Variants in PRELID2 observed in about 807,000 individuals in gnomAD.
PRELID2 encodes the protein PRELI domain containing 2, also known as PRELI domain-containing protein 2.
A neutral mutation model predicts 28.4 loss-of-function variants in PRELID2; 25 were observed. The ratio of observed to expected loss-of-function variants is 0.88; its 90% confidence interval spans 0.64 to 1.23. The LOEUF (loss-of-function observed/expected upper bound fraction) is 1.23, where lower values mean the gene tolerates loss of function less well. Among genes scored for constraint, PRELID2 ranks in the 50% most tolerant of loss-of-function variants. The probability of loss-of-function intolerance (pLI) is 0.00; values close to 1 mark genes in which losing one functional copy is unlikely to be tolerated. For synonymous variants in PRELID2, 76 were observed against 71.6 expected (o/e 1.06, Z -0.31); for missense variants, 201 against 214.4 (o/e 0.94, Z 0.39).
the PRELID2 span, among the ~76,000 whole-genome samples, chr5:145,418,236 A>G: frequency 2.0e-5 from 3 of 152,210 alleles, no homozygotes; most frequent in Non-Finnish European, 4.4e-5. Flanking sequence ...AAGAAATAAG[A>G]AAGGACATAA....
chr5:145,408,324 T>C, the PRELID2 span, among the ~76,000 whole-genome samples: 1 of 150,488 alleles, frequency 6.6e-6, no homozygotes, highest in African/African-American at 2.4e-5. Flanking sequence ...GCCAGGTAAA[T>C]AATTCAGAAG....
intron 1 of PRELID2, among the ~76,000 whole-genome samples, chr5:145,566,674 T>C (rs1752970025): frequency 6.6e-6 from 1 of 152,074 alleles, no homozygotes; most frequent in African/African-American, 2.4e-5. Context: ...ATTCTGTCTC[T>C]ACTAAAAATA....
chr5:145,552,214 A>G (rs1752842112), intron 1 of PRELID2, among the ~76,000 whole-genome samples: 1 of 152,148 alleles, frequency 6.6e-6, no homozygotes, highest in South Asian at 2.1e-4. Flanking sequence ...ATCCATTTTC[A>G]TAGTGATCAT....
chr5:145,567,122 A>G (rs1469742464), intron 1 of PRELID2, among the ~76,000 whole-genome samples: 1 of 152,120 alleles, frequency 6.6e-6, no homozygotes, highest in Non-Finnish European at 1.5e-5. Flanking sequence ...ATATCTCTTT[A>G]TTTTCCCCAC....
chr5:145,547,184 T>C (rs984485152), intron 1 of PRELID2, among the ~76,000 whole-genome samples: 5 of 152,182 alleles, frequency 3.3e-5, no homozygotes, highest in South Asian at 4.1e-4. Flanking sequence ...CATTGCTTGA[T>C]TGGAGTCAAA....
At chr5:145,491,229 G>A (rs1206744733) in intron 1 of PRELID2, among the ~76,000 whole-genome samples, 1 of 152,122 alleles carries the variant, frequency 6.6e-6, no homozygotes, top group Non-Finnish European at 1.5e-5. Flanking sequence ...AGATCAAGGT[G>A]CAAACAGATT....
the PRELID2 span, among the ~76,000 whole-genome samples, chr5:145,244,568 A>C: frequency 9.2e-5 from 14 of 152,074 alleles, no homozygotes; most frequent in Non-Finnish European, 1.6e-4. Flanking sequence ...GACTCACTAC[A>C]GTTTCACGGC....
intron 1 of PRELID2, among the ~76,000 whole-genome samples, chr5:145,545,615 T>C (rs1277280899): frequency 6.6e-6 from 1 of 152,104 alleles, no homozygotes; most frequent in East Asian, 1.9e-4. Flanking sequence ...GCACCATTTT[T>C]AAACAGGCTC....
At chr5:145,301,983 T>A in the PRELID2 span, among the ~76,000 whole-genome samples, 1 of 150,762 alleles carries the variant, frequency 6.6e-6, no homozygotes, top group Non-Finnish European at 1.5e-5. Context: ...TCAAATAATT[T>A]TAGACTCAGA....
intron 1 of PRELID2, among the ~76,000 whole-genome samples, chr5:145,568,562 G>A (rs903852613): frequency 9.2e-5 from 14 of 152,180 alleles, no homozygotes; most frequent in African/African-American, 3.4e-4. Flanking sequence ...ATAAGATTAA[G>A]AAGATGATGA....
the PRELID2 span, among the ~76,000 whole-genome samples, chr5:145,252,110 A>G: frequency 6.6e-6 from 1 of 152,124 alleles, no homozygotes; most frequent in South Asian, 2.1e-4. Flanking sequence ...CTGGCCAGAA[A>G]CATTGGCATC....
intron 1 of PRELID2, among the ~76,000 whole-genome samples, chr5:145,672,726 C>T (rs1222303957): frequency 6.6e-6 from 1 of 151,958 alleles, no homozygotes; most frequent in East Asian, 1.9e-4. Flanking sequence ...AGGCCCTGAG[C>T]AATAAAAGAT....
intron 1 of PRELID2, among the ~76,000 whole-genome samples, chr5:145,550,085 G>C (rs984969086): frequency 6.6e-6 from 1 of 152,122 alleles, no homozygotes; most frequent in Non-Finnish European, 1.5e-5. Context: ...CTATGAGCAG[G>C]GTTTAGGCAA....
At chr5:145,732,888 T>C (rs896357609) in intron 1 of PRELID2, among the ~76,000 whole-genome samples, 2 of 151,956 alleles carry the variant, frequency 1.3e-5, no homozygotes, top group Non-Finnish European at 2.9e-5. Flanking sequence ...GGACTAAAAG[T>C]GACAGTGGAC....
chr5:145,502,566 G>A lies in PRELID2; in HGVS notation n.71-29251C>T, dbSNP rs893042880. Among the ~76,000 whole-genome samples the A allele has an allele frequency of 3.3e-5, 5 of 152,006 alleles. No individual in the cohort carries two copies. In the East Asian group the frequency reaches 9.7e-4, roughly 29 times the overall value. On this transcript the variant is annotated intron_variant and non_coding_transcript_variant, in intron 1 of 2. Coordinates refer to the PRELID2 transcript ENST00000510259. ...TCTGCCACATTTCCATTACTCATAT[G>A]GAAAATTACTTTGAATTAAAATTAT...
the PRELID2 span, among the ~76,000 whole-genome samples, chr5:145,386,471 C>T: frequency 1.1e-4 from 17 of 152,138 alleles, no homozygotes; most frequent in Middle Eastern, 3.4e-3. Flanking sequence ...TTTCCCTGCT[C>T]CTGCCTGATC....
chr5:145,693,608 TA>T (rs1212597088), intron 1 of PRELID2, among the ~76,000 whole-genome samples: 1 of 151,958 alleles, frequency 6.6e-6, no homozygotes, highest in African/African-American at 2.4e-5. Flanking sequence ...GTCTCCAAAA[TA>T]AAAAATTTTA....
intron 1 of PRELID2, among the ~76,000 whole-genome samples, chr5:145,484,430 T>C (rs552324800): frequency 6.6e-6 from 1 of 152,220 alleles, no homozygotes; most frequent in African/African-American, 2.4e-5. Context: ...CATAGACAAA[T>C]TGGCTGTGTT....
intron 1 of PRELID2, among the ~76,000 whole-genome samples, chr5:145,525,347 T>C (rs577178638): frequency 1.8e-4 from 28 of 152,336 alleles, no homozygotes; most frequent in African/African-American, 6.7e-4. Context: ...ATCTGATATA[T>C]GTATACACAC....
Sources: allele counts gnomAD v4.1 joint callset (sites outside exome capture counted in the v4.1 genomes callset), GRCh38; gene constraint gnomAD v4.1.1; transcripts MANE v1.5; gene names NCBI Gene and HGNC (gene_info 2026-07-23, HGNC 2026-07-21).